The following PRLR variants were observed in gnomAD, a reference collection of about 807,000 sequenced individuals.
PRLR encodes the protein prolactin receptor.
Under a neutral mutation model 40.2 loss-of-function variants are expected in PRLR, and 13 were observed. The observed-to-expected ratio is 0.32, with a 90% confidence interval of 0.21 to 0.51. PRLR has a LOEUF of 0.51. Among genes scored for constraint, PRLR ranks in the 20% least tolerant of loss-of-function variants. The probability of loss-of-function intolerance (pLI) is 0.97; values close to 1 mark genes in which losing one functional copy is unlikely to be tolerated. For missense variants in PRLR, 656 were observed against 747.3 expected (o/e 0.88, Z 1.42); for synonymous variants, 269 against 278.7 (o/e 0.97, Z 0.35).
rs1021722991 is a variant in PRLR, at chr5:35,065,025, C to T, written c.*64G>A. 23 of 1,509,746 alleles carry T rather than the reference C, an allele frequency of 1.5e-5. No homozygotes were observed. The Middle Eastern group carries it at 1.2e-3, about 82-fold the overall frequency. 93.5% of individuals were successfully genotyped at this position (1,509,746 alleles called of 1,614,324 possible). ...TCTGACTACATTCTTGAGCATTTCACGTACTCTGTAGTGTTACCTGAAGAA... is the reference window on the plus strand; with the variant it reads ...TCTGACTACATTCTTGAGCATTTCATGTACTCTGTAGTGTTACCTGAAGAA... On this transcript the variant is annotated 3_prime_UTR_variant, in exon 10 of 10. Transcript: ENST00000618457.
intron 1 of PRLR, among the ~76,000 whole-genome samples, chr5:35,194,607 C>T (rs758008071): frequency 1.5e-4 from 23 of 152,174 alleles, no homozygotes; most frequent in Non-Finnish European, 2.9e-4. Flanking sequence ...AGAGAAGCTA[C>T]CAAGCCCTGG....
At chr5:35,181,320 T>C (rs1268416339) in intron 1 of PRLR, among the ~76,000 whole-genome samples, 1 of 152,202 alleles carries the variant, frequency 6.6e-6, no homozygotes, top group Non-Finnish European at 1.5e-5. Context: ...AGTTTAGCTC[T>C]TAGTCTAAAG....
At chr5:35,069,544 A>G (rs1161821261) in intron 7 of PRLR, among the ~76,000 whole-genome samples, 1 of 152,240 alleles carries the variant, frequency 6.6e-6, no homozygotes, top group Non-Finnish European at 1.5e-5. Flanking sequence ...CTTCACTTTT[A>G]ATTTTTAATG....
intron 1 of PRLR, among the ~76,000 whole-genome samples, chr5:35,186,252 C>T (rs1775426999): frequency 1.4e-5 from 2 of 146,346 alleles, no homozygotes; most frequent in South Asian, 4.2e-4. Context: ...AAATGAATTG[C>T]ACTGGTTTCT....
intron 2 of PRLR, among the ~76,000 whole-genome samples, chr5:35,098,035 A>G (rs1579639410): frequency 6.6e-6 from 1 of 151,992 alleles, no homozygotes; most frequent in Non-Finnish European, 1.5e-5. Flanking sequence ...GTCCCCAACT[A>G]TTTGCTTCCT....
rs1014597624 is a variant in PRLR, at chr5:35,064,317, A to T, written c.*772T>A. The T allele has an allele frequency of 6.6e-6, 1 of 152,176 alleles. No homozygotes were observed. The highest frequency in any genetic ancestry group is 2.4e-5 in the African/African-American group (1 of 41,448). 9.4% of individuals were successfully genotyped at this position (152,176 alleles called of 1,614,324 possible). A position where few individuals can be genotyped will look rare whatever the true frequency, so the allele number is the denominator to read the frequency against. Reference sequence around the variant, plus strand: ...GGAATTTTTTTTTAACTAAGGAAAGACTAAGGTGTATAATAAATTATCTAT... The same window carrying T: ...GGAATTTTTTTTTAACTAAGGAAAGTCTAAGGTGTATAATAAATTATCTAT... On this transcript the variant is annotated 3_prime_UTR_variant, in exon 10 of 10. Transcript: ENST00000618457.
chr5:35,192,378 C>T (rs573699874), intron 1 of PRLR, among the ~76,000 whole-genome samples: 2 of 152,310 alleles, frequency 1.3e-5, no homozygotes, highest in East Asian at 3.9e-4. Context: ...TCCCCCACCT[C>T]TTAATTCTCT....
chr5:35,099,416 C>G (rs756209200), intron 2 of PRLR, among the ~76,000 whole-genome samples: 3 of 152,150 alleles, frequency 2.0e-5, no homozygotes, highest in South Asian at 4.2e-4. Flanking sequence ...CACTGCTAGT[C>G]GTATAAAAGT....
chr5:35,140,649 G>A (rs748819746), intron 1 of PRLR, among the ~76,000 whole-genome samples: 17 of 152,306 alleles, frequency 1.1e-4, no homozygotes, highest in Non-Finnish European at 1.6e-4. Flanking sequence ...CTTATGATGT[G>A]GGGGGAGGAG....
chr5:35,221,502 T>C (rs1259029126), intron 1 of PRLR, among the ~76,000 whole-genome samples: 1 of 152,188 alleles, frequency 6.6e-6, no homozygotes, highest in Non-Finnish European at 1.5e-5. Flanking sequence ...AACAAAAATA[T>C]AGTTTGATGG....
intron 1 of PRLR, chr5:35,135,471 A>G (rs1353195696): frequency 1.3e-5 from 2 of 152,106 alleles, no homozygotes; most frequent in Non-Finnish European, 2.9e-5. Context: ...GGTTTTATTG[A>G]TCTGTTTTGT....
chr5:35,137,607 C>T (rs2111806975), intron 1 of PRLR, among the ~76,000 whole-genome samples: 1 of 152,330 alleles, frequency 6.6e-6, no homozygotes, highest in African/African-American at 2.4e-5. Context: ...GATTCATCTA[C>T]ACATTTGAGT....
intron 2 of PRLR, among the ~76,000 whole-genome samples, chr5:35,108,059 G>T (rs1360183432): frequency 6.6e-6 from 1 of 152,194 alleles, no homozygotes; most frequent in Non-Finnish European, 1.5e-5. Flanking sequence ...GGGATGCAAG[G>T]CTGGTCCAAC....
intron 1 of PRLR, among the ~76,000 whole-genome samples, chr5:35,163,130 G>A (rs1278306587): frequency 6.6e-6 from 1 of 152,122 alleles, no homozygotes; most frequent in Non-Finnish European, 1.5e-5. Flanking sequence ...GTGGCACCTG[G>A]GATTCAACCT....
At chr5:35,124,890 G>A (rs1260669346) in intron 1 of PRLR, among the ~76,000 whole-genome samples, 1 of 152,194 alleles carries the variant, frequency 6.6e-6, no homozygotes, top group Non-Finnish European at 1.5e-5. Flanking sequence ...GTCAATTGGT[G>A]TTCTCTGAGG....
chr5:35,190,179 G>A (rs1775562431), intron 1 of PRLR, among the ~76,000 whole-genome samples: 1 of 152,184 alleles, frequency 6.6e-6, no homozygotes, highest in Admixed American at 6.5e-5. Context: ...AACCAGTACA[G>A]GGGGACAATA....
At chr5:35,135,290 C>T (rs1773820116) in intron 1 of PRLR, 1 of 152,294 alleles carries the variant, frequency 6.6e-6, no homozygotes. Flanking sequence ...AACCAGATCT[C>T]TCAGACCTGC....
At chr5:35,106,216 C>T (rs1487333909) in intron 2 of PRLR, among the ~76,000 whole-genome samples, 1 of 152,144 alleles carries the variant, frequency 6.6e-6, no homozygotes, top group East Asian at 1.9e-4. Flanking sequence ...TACAAGAGCT[C>T]CTGAAGGAAG....
chr5:35,074,873 A>C (rs1769972976), intron 5 of PRLR, among the ~76,000 whole-genome samples: 1 of 151,580 alleles, frequency 6.6e-6, no homozygotes, highest in African/African-American at 2.4e-5. Context: ...CCTTCCTAAG[A>C]CTTAGGTGCT....
Sources: allele counts gnomAD v4.1 joint callset (sites outside exome capture counted in the v4.1 genomes callset), GRCh38; gene constraint gnomAD v4.1.1; transcripts MANE v1.5; gene names NCBI Gene and HGNC (gene_info 2026-07-23, HGNC 2026-07-21).